The following TTLL7 variants were observed in gnomAD, a reference collection of about 807,000 sequenced individuals.
TTLL7 encodes the protein tubulin polyglutamylase TTLL7.
Under a neutral mutation model 120.2 loss-of-function variants are expected in TTLL7, and 53 were observed. The observed-to-expected ratio is 0.44, with a 90% CI of 0.35 to 0.55. TTLL7 has a LOEUF of 0.55. Ranked by LOEUF, TTLL7 falls within the 20% of genes least tolerant of loss-of-function variation. The pLI is 0.00. For synonymous variants in TTLL7, 353 were observed against 351.7 expected, an observed-to-expected ratio of 1.00 and a Z score of -0.04; for missense variants, 803 against 1,054.7, an observed-to-expected ratio of 0.76 and a Z score of 3.31.
chr1:83,953,725 G>A (rs1364850088), intron 1 of TTLL7, among the ~76,000 whole-genome samples: 1 of 151,978 alleles, frequency 6.6e-6, no homozygotes, highest in East Asian at 1.9e-4. Context: ...ACAAATCAAG[G>A]TAACATGGCT....
At chr1:83,902,433 T>C (rs1041963620) in intron 18 of TTLL7, among the ~76,000 whole-genome samples, 6 of 152,152 alleles carry the variant, frequency 3.9e-5, no homozygotes, top group Non-Finnish European at 8.8e-5. Context: ...AATTTATGAT[T>C]GGGGTCATCG....
intron 3 of TTLL7, among the ~76,000 whole-genome samples, chr1:83,951,371 A>G (rs1461331478): frequency 6.6e-6 from 1 of 152,066 alleles, no homozygotes; most frequent in Admixed American, 6.5e-5. Context: ...GAAGGAATGT[A>G]ATGTGTTACT....
chr1:83,960,069 A>C (rs533331638), intron 1 of TTLL7, among the ~76,000 whole-genome samples: 2 of 152,318 alleles, frequency 1.3e-5, no homozygotes, highest in South Asian at 4.1e-4. Flanking sequence ...GTAATTCTTA[A>C]TATAAAGAAT....
rs973246261 is a variant in TTLL7, at chr1:83,890,380, A to G, written c.2310T>C (p.Val770=). Residue 770 remains valine (V), a synonymous_variant, in exon 19 of 21, where the codon GTT becomes GTC. Transcript: ENST00000260505. ...EVNLYRIFNR[V]FNRLLWSRGQ... ...CACGACTCCAGAGTAAGCGATTAAAAACCCGGTTGAAAATCCGATATAAAT... is the reference window on the plus strand; with the variant it reads ...CACGACTCCAGAGTAAGCGATTAAAGACCCGGTTGAAAATCCGATATAAAT... The G allele has an allele frequency of 1.9e-6, 3 of 1,613,464 alleles. No individual in the cohort carries two copies. Among genetic ancestry groups the G allele is most frequent in the Non-Finnish European group, 2.5e-6 (3 of 1,179,620 alleles).
At chr1:83,937,565 C>T (rs1019706648) in intron 8 of TTLL7, among the ~76,000 whole-genome samples, 3 of 152,086 alleles carry the variant, frequency 2.0e-5, no homozygotes, top group Admixed American at 2.0e-4. Flanking sequence ...CATATACAGG[C>T]TATATGATAG....
intron 17 of TTLL7, among the ~76,000 whole-genome samples, chr1:83,904,469 T>C (rs1486465046): frequency 1.3e-5 from 2 of 151,988 alleles, no homozygotes; most frequent in Non-Finnish European, 2.9e-5. Flanking sequence ...ACCCTGTCTC[T>C]AAGAAAAATG....
intron 1 of TTLL7, among the ~76,000 whole-genome samples, chr1:83,990,006 G>C (rs1652833122): frequency 6.6e-6 from 1 of 152,042 alleles, no homozygotes; most frequent in African/African-American, 2.4e-5. Flanking sequence ...AATGCTATTG[G>C]TGTATAGAAA....
chr1:83,943,084 C>T lies in TTLL7; in HGVS notation c.507-405G>A, dbSNP rs138008884. 4.5e-3 allele frequency among the ~76,000 whole-genome samples: 691 copies of T among 152,268 alleles called. 10 individuals carry two copies. The highest frequency in any genetic ancestry group is 0.016 in the African/African-American group (660 of 41,548). On this transcript the variant is annotated intron_variant, in intron 6 of 20. Coordinates refer to ENST00000260505, the MANE Select transcript of TTLL7 (RefSeq NM_024686.6). ...CCTGTCTGGTGGCTTCCTGGAGGAC[C>T]TCAAAGGGCTTGCTTTTAGCTTGCC... is the stretch of plus-strand genomic sequence containing the variant.
intron 20 of TTLL7, 22 bp from the exon 21 acceptor site, chr1:83,870,104 T>C: frequency 1.3e-6 from 2 of 1,533,810 alleles, no homozygotes; most frequent in Non-Finnish European, 1.7e-6. Context: ...GGTTAACAAA[T>C]TAGATTTTTA....
intron 19 of TTLL7, chr1:83,889,897 C>T (rs573951733): frequency 4.2e-5 from 19 of 456,554 alleles, no homozygotes; most frequent in South Asian, 2.8e-4. Context: ...TTAAGGGAAG[C>T]CAAGAAAGGA....
At chr1:83,900,148 G>A (rs984743876) in intron 18 of TTLL7, 1 of 447,384 alleles carries the variant, frequency 2.2e-6, no homozygotes, top group Admixed American at 2.4e-5. Flanking sequence ...GTAAAAAACA[G>A]AATAGCACTG....
At chr1:83,886,215 T>G (rs1198373694) in intron 19 of TTLL7, among the ~76,000 whole-genome samples, 1 of 152,036 alleles carries the variant, frequency 6.6e-6, no homozygotes, top group African/African-American at 2.4e-5. Flanking sequence ...AGAGTGAAAC[T>G]GATTCATTCC....
chr1:83,900,458 C>A (rs1448336933), intron 18 of TTLL7, among the ~76,000 whole-genome samples: 1 of 151,948 alleles, frequency 6.6e-6, no homozygotes, highest in Admixed American at 6.6e-5. Flanking sequence ...ACTCCAGATG[C>A]TTTGTGAAGG....
At chr1:83,892,653 TATGA>T (rs1368146274) in intron 18 of TTLL7, among the ~76,000 whole-genome samples, 54 of 112,460 alleles carry the variant, frequency 4.8e-4, no homozygotes, top group African/African-American at 1.1e-3. Flanking sequence ...TATATGAACA[TATGA>T]ATGAACATAT....
rs1557654746 is a variant in TTLL7, at chr1:83,924,615, T to A, written c.1143-3221A>T. On this transcript the variant is annotated intron_variant, in intron 10 of 20. Coordinates refer to ENST00000260505, the MANE Select transcript of TTLL7 (RefSeq NM_024686.6). ...GTTTAATGGGTACACAGTTTCACTTTTGCAGGATTAGACTTCCAGAGATGG... is the reference window on the plus strand; with the variant it reads ...GTTTAATGGGTACACAGTTTCACTTATGCAGGATTAGACTTCCAGAGATGG... 2.6e-5 allele frequency among the ~76,000 whole-genome samples: 4 copies of A among 152,164 alleles called. No homozygotes were observed. The South Asian group carries it at 8.3e-4, about 32-fold the overall frequency.
chr1:83,990,469 C>T (rs558117282), intron 1 of TTLL7, among the ~76,000 whole-genome samples: 16 of 152,368 alleles, frequency 1.1e-4, no homozygotes, highest in African/African-American at 3.8e-4. Flanking sequence ...GCCACCGCGC[C>T]CGGCCTGGAT....
Position 83,869,880 on chromosome 1 carries a change from G to T in TTLL7, c.*82C>A, listed in dbSNP as rs1653179619. The T allele has an allele frequency of 6.5e-7, 1 of 1,533,964 alleles. No individual in the cohort carries two copies. Among genetic ancestry groups the T allele is most frequent in the South Asian group, 1.3e-5 (1 of 79,980 alleles). On this transcript the variant is annotated 3_prime_UTR_variant, in exon 21 of 21. Coordinates refer to ENST00000260505, the MANE Select transcript of TTLL7 (RefSeq NM_024686.6). ...TATATACATAAAACAGCACTTAATG[G>T]TCATGTTCTTTGCATGTTCAACTTC... is the stretch of plus-strand genomic sequence containing the variant.
intron 20 of TTLL7, among the ~76,000 whole-genome samples, chr1:83,878,682 A>C (rs1654175879): frequency 6.6e-6 from 1 of 151,986 alleles, no homozygotes; most frequent in Admixed American, 6.6e-5. Flanking sequence ...CTATTACCAA[A>C]AGCAGAAGTG....
intron 19 of TTLL7, chr1:83,890,051 A>T (rs1655324134): frequency 1.8e-6 from 1 of 548,428 alleles, no homozygotes. Context: ...GCGACTGCAG[A>T]AGAACTTCAA....
Sources: gnomAD v4.1 joint callset for allele counts (sites outside exome capture counted in the v4.1 genomes callset) on GRCh38, gnomAD v4.1.1 for gene constraint, MANE v1.5 for transcripts, NCBI Gene and HGNC (gene_info 2026-07-23, HGNC 2026-07-21) for gene names.